Variants in PDHX observed in about 807,000 individuals in gnomAD.
PDHX encodes the protein pyruvate dehydrogenase complex component X.
A neutral mutation model predicts 55.3 loss-of-function variants in PDHX; 33 were observed. That is an observed-to-expected ratio of 0.60 (90% CI 0.45 to 0.80). PDHX has a LOEUF of 0.80. Ranked by LOEUF, PDHX falls within the 30% of genes least tolerant of loss-of-function variation. The pLI, the probability that PDHX is intolerant of heterozygous loss-of-function variation, is 0.00. For missense variants in PDHX, 622 were observed against 619.9 expected, an observed-to-expected ratio of 1.00 and a Z score of -0.04; for synonymous variants, 226 against 219.4, an observed-to-expected ratio of 1.03 and a Z score of -0.27.
At chr11:34,916,879 G>A (rs1853729368) in intron 1 of PDHX, 64 bp downstream of exon 1, 4 of 1,451,678 alleles carry the variant, frequency 2.8e-6, no homozygotes, top group Non-Finnish European at 3.8e-6. Flanking sequence ...GACAGGGGCA[G>A]TTATGATTGA....
intron 7 of PDHX, among the ~76,000 whole-genome samples, chr11:34,970,564 CAT>C (rs1432169587): frequency 3.9e-5 from 6 of 152,104 alleles, no homozygotes; most frequent in Non-Finnish European, 8.8e-5. Flanking sequence ...TCCTCTTTGT[CAT>C]ATTTGAATAA....
At position 34,970,134 on chromosome 11, in the gene PDHX, T is replaced by C. The variant is rs1343105933; in HGVS notation, c.817-5T>C. The C allele has an allele frequency of 1.2e-6, 2 of 1,613,566 alleles. No homozygotes were observed. Among genetic ancestry groups the C allele is most frequent in the Middle Eastern group, 1.7e-4 (1 of 6,060 alleles). ...TTTAACGGACAGGTTGCTGTCTTTTTGCAGGGCACATTCACTGAAATCCCC... is the reference window on the plus strand; with the variant it reads ...TTTAACGGACAGGTTGCTGTCTTTTCGCAGGGCACATTCACTGAAATCCCC... On this transcript the variant is annotated splice_region_variant and splice_polypyrimidine_tract_variant and intron_variant, in intron 6 of 10. Transcript: ENST00000227868.
intron 1 of PDHX, among the ~76,000 whole-genome samples, chr11:34,926,156 C>A (rs771274736): frequency 6.6e-6 from 1 of 152,126 alleles, no homozygotes; most frequent in African/African-American, 2.4e-5. Context: ...ATATGACAAA[C>A]GATCCTTTAA....
intron 6 of PDHX, among the ~76,000 whole-genome samples, chr11:34,968,260 C>CAAA (rs36026065): frequency 3.1e-5 from 4 of 131,042 alleles, no homozygotes; most frequent in Non-Finnish European, 6.3e-5. Context: ...GACCCTATCT[C>CAAA]AAAAAAAAAA....
chr11:34,953,345 A>G (rs1381919402), intron 3 of PDHX, among the ~76,000 whole-genome samples: 1 of 152,224 alleles, frequency 6.6e-6, no homozygotes, highest in Non-Finnish European at 1.5e-5. Context: ...AAACTACTTT[A>G]AAGTTCATAT....
chr11:34,924,982 G>T (rs1025129057), intron 1 of PDHX, among the ~76,000 whole-genome samples: 2 of 152,104 alleles, frequency 1.3e-5, no homozygotes, highest in Non-Finnish European at 2.9e-5. Context: ...CAAATATTCA[G>T]TGTTTACATT....
chr11:34,987,702 A>T lies in PDHX; in HGVS notation c.1182+2974A>T, dbSNP rs1207202499. The stretch of plus-strand genomic sequence containing the variant: ...TGCTGTGGATGAATAGGCATTAAAA[A>T]TAAGTATGCACCAAGTAGAAACCCT... On this transcript the variant is annotated intron_variant, in intron 9 of 10. Coordinates refer to ENST00000227868, the MANE Select transcript of PDHX (RefSeq NM_003477.3). Among the ~76,000 whole-genome samples the T allele has an allele frequency of 2.0e-5, 3 of 150,638 alleles. No individual in the cohort carries two copies. The Admixed American group carries it at 2.0e-4, about 10-fold the overall frequency.
At chr11:34,981,103 C>T (rs1263066889) in intron 8 of PDHX, among the ~76,000 whole-genome samples, 1 of 151,958 alleles carries the variant, frequency 6.6e-6, no homozygotes, top group East Asian at 1.9e-4. Context: ...CACCCAGTAA[C>T]AAGTCATTTA....
At chr11:34,933,245 C>G (rs1590733633) in intron 2 of PDHX, among the ~76,000 whole-genome samples, 2 of 152,226 alleles carry the variant, frequency 1.3e-5, no homozygotes, top group African/African-American at 4.8e-5. Flanking sequence ...GATTCTAATT[C>G]ATTTTTTTCT....
rs956855050 is a variant in PDHX at position 34,931,546 on chromosome 11, T to G, written c.241+62T>G. ...TTATTTGGTTATTTTGTTTTGTTTT[T>G]TTTTTTCCTAATCTGTCCTGTTATA... is the stretch of plus-strand genomic sequence containing the variant. On this transcript the variant is annotated intron_variant, in intron 2 of 10. Transcript: ENST00000227868. 10 of 942,650 alleles carry G rather than the reference T, an allele frequency of 1.1e-5. 1 individual carries two copies. Among genetic ancestry groups the G allele is most frequent in the African/African-American group, 9.9e-5 (6 of 60,590 alleles). The allele number at this position is 942,650 out of a possible 1,614,324, so 58.4% of individuals were successfully genotyped here.
chr11:34,987,134 C>G (rs1855662879), intron 9 of PDHX, among the ~76,000 whole-genome samples: 1 of 152,192 alleles, frequency 6.6e-6, no homozygotes, highest in South Asian at 2.1e-4. Flanking sequence ...ATTATACCAC[C>G]TCTCTCCTTG....
intron 2 of PDHX, among the ~76,000 whole-genome samples, chr11:34,936,799 TTTTTTTC>T (rs1229338577): frequency 3.1e-5 from 4 of 131,102 alleles, no homozygotes; most frequent in Admixed American, 2.2e-4. Flanking sequence ...TTTTTTTTTT[TTTTTTTC>T]TGAGACAGAG....
At chr11:34,965,700 G>A (rs1342031453) in intron 5 of PDHX, among the ~76,000 whole-genome samples, 1 of 152,086 alleles carries the variant, frequency 6.6e-6, no homozygotes, top group Non-Finnish European at 1.5e-5. Context: ...AAGTAAAGGG[G>A]TCTTCTCAAA....
chr11:34,994,435 T>G (rs1855817051), intron 10 of PDHX, among the ~76,000 whole-genome samples: 1 of 152,248 alleles, frequency 6.6e-6, no homozygotes, highest in African/African-American at 2.4e-5. Context: ...AATCAGTGAA[T>G]GAGTGAATGC....
chr11:34,992,232 A>G, intron 9 of PDHX, 83 bp from the exon 10 acceptor site: 2 of 774,470 alleles, frequency 2.6e-6, no homozygotes, highest in Non-Finnish European at 4.7e-6. Context: ...AGATGAGAGT[A>G]TATGATGTAC....
At chr11:34,915,994 G>T (rs1029152225), upstream of PDHX, 3 of 590,702 alleles carry the variant, frequency 5.1e-6, no homozygotes, top group Admixed American at 3.1e-5. Context: ...CCAACGTTTG[G>T]CGCCCAGCTC....
rs1241562550 is a variant in PDHX at position 34,992,321 on chromosome 11, T to C, written c.1189T>C (p.Ser397Pro). The change falls in exon 10 of 11, where the codon TCA becomes CCA. Residue 397 changes from serine to proline, a missense_variant. Coordinates refer to ENST00000227868, the MANE Select transcript of PDHX (RefSeq NM_003477.3). ...CTGTTTGTATTTTTCTCAGGCTCTATCAAAGAAAGCAAGAGATGGAAAATT... is the reference window on the plus strand; with the variant it reads ...CTGTTTGTATTTTTCTCAGGCTCTACCAAAGAAAGCAAGAGATGGAAAATT... The part of the protein sequence containing the change: ...QEIADSVKAL[S>P]KKARDGKLLP... The C allele has an allele frequency of 6.3e-7, 1 of 1,595,766 alleles. No homozygotes were observed. Among genetic ancestry groups the C allele is most frequent in the East Asian group, 2.2e-5 (1 of 44,584 alleles).
At chr11:34,954,357 A>G (rs1022528978) in intron 3 of PDHX, among the ~76,000 whole-genome samples, 4 of 152,216 alleles carry the variant, frequency 2.6e-5, no homozygotes, top group Non-Finnish European at 5.9e-5. Flanking sequence ...TTTGCATCTC[A>G]TATCCCTGTG....
chr11:34,927,745 T>A (rs991902075), intron 1 of PDHX, among the ~76,000 whole-genome samples: 7 of 152,136 alleles, frequency 4.6e-5, no homozygotes, highest in Non-Finnish European at 7.4e-5. Context: ...TTAGTTAGAA[T>A]AACTACAAAA....
Sources: allele counts gnomAD v4.1 joint callset (sites outside exome capture counted in the v4.1 genomes callset), GRCh38; gene constraint gnomAD v4.1.1; transcripts MANE v1.5; gene names NCBI Gene and HGNC (gene_info 2026-07-23, HGNC 2026-07-21).